AUTS2: variants seen among roughly 807,000 people sequenced by gnomAD.
AUTS2 encodes activator of transcription and developmental regulator AUTS2, also known as autism susceptibility gene 2 protein.
Under a neutral mutation model 112.4 loss-of-function variants are expected in AUTS2, and 17 were observed. That is an observed-to-expected ratio of 0.15 (90% CI 0.10 to 0.23). AUTS2 has a LOEUF of 0.23. Ranked by LOEUF, AUTS2 falls within the 10% of genes least tolerant of loss-of-function variation. The pLI is 1.00. For missense variants in AUTS2, 1,510 were observed against 1,701.6 expected, an observed-to-expected ratio of 0.89 and a Z score of 1.98; for synonymous variants, 751 against 702.7, an observed-to-expected ratio of 1.07 and a Z score of -1.09.
At chr7:70,655,154 G>T (rs1806703962) in intron 5 of AUTS2, among the ~76,000 whole-genome samples, 1 of 152,216 alleles carries the variant, frequency 6.6e-6, no homozygotes, top group Non-Finnish European at 1.5e-5. Context: ...AGTTACTTTG[G>T]CAGTGCCTGG....
At chr7:70,357,939 C>T (rs1465170715) in intron 4 of AUTS2, among the ~76,000 whole-genome samples, 1 of 151,894 alleles carries the variant, frequency 6.6e-6, no homozygotes, top group Non-Finnish European at 1.5e-5. Context: ...CAGAAACTGG[C>T]TTGGGAGGTG....
chr7:70,729,814 A>G (rs1438177635), intron 6 of AUTS2, among the ~76,000 whole-genome samples: 1 of 152,172 alleles, frequency 6.6e-6, no homozygotes, highest in Non-Finnish European at 1.5e-5. Context: ...ATGAACTTCT[A>G]ATTTCCTCTT....
intron 4 of AUTS2, among the ~76,000 whole-genome samples, chr7:70,399,825 A>C (rs1794249694): frequency 6.6e-6 from 1 of 152,240 alleles, no homozygotes; most frequent in African/African-American, 2.4e-5. Context: ...GTTGGTAAGC[A>C]TACAGCCCAG....
intron 1 of AUTS2, among the ~76,000 whole-genome samples, chr7:69,768,370 A>G (rs1788519757): frequency 6.6e-6 from 1 of 152,260 alleles, no homozygotes. Flanking sequence ...ACAATAACCT[A>G]GTGGAGTACA....
chr7:70,645,094 A>G (rs1435094011), intron 5 of AUTS2, among the ~76,000 whole-genome samples: 1 of 152,196 alleles, frequency 6.6e-6, no homozygotes, highest in Non-Finnish European at 1.5e-5. Context: ...AAATACTAGT[A>G]GCATTTCCTT....
At chr7:69,711,850 A>G (rs938559669) in intron 1 of AUTS2, among the ~76,000 whole-genome samples, 1 of 152,210 alleles carries the variant, frequency 6.6e-6, no homozygotes, top group African/African-American at 2.4e-5. Flanking sequence ...GGTATGCATT[A>G]TGTGTGGTAT....
At chr7:70,398,767 T>C (rs925048577) in intron 4 of AUTS2, among the ~76,000 whole-genome samples, 1 of 152,132 alleles carries the variant, frequency 6.6e-6, no homozygotes, top group Non-Finnish European at 1.5e-5. Flanking sequence ...TTAATAGAGG[T>C]GAGAGTGGAT....
chr7:69,743,763 C>T lies in AUTS2; in HGVS notation c.309+143801C>T, dbSNP rs542026551. Among the ~76,000 whole-genome samples, 4 of 152,240 alleles carry T rather than the reference C, an allele frequency of 2.6e-5. No individual in the cohort carries two copies. The South Asian group carries it at 6.2e-4, about 24-fold the overall frequency. Reference sequence around the variant, plus strand: ...CTCTCTTATGTCTGGCCTATTCACTCAGCATAATTATTTTAAATTTTATCT... The same window carrying T: ...CTCTCTTATGTCTGGCCTATTCACTTAGCATAATTATTTTAAATTTTATCT... On this transcript the variant is annotated intron_variant, in intron 1 of 18. Transcript: ENST00000342771.
chr7:70,621,131 T>G (rs1804650731), intron 5 of AUTS2, among the ~76,000 whole-genome samples: 1 of 152,234 alleles, frequency 6.6e-6, no homozygotes, highest in Non-Finnish European at 1.5e-5. Context: ...ACATCTCTTC[T>G]TTCTTCCCCT....
intron 4 of AUTS2, among the ~76,000 whole-genome samples, chr7:70,257,281 C>T (rs551939720): frequency 7.9e-5 from 12 of 152,222 alleles, no homozygotes; most frequent in Non-Finnish European, 1.5e-4. Flanking sequence ...GCTGGGACTA[C>T]AGGCACACGC....
chr7:69,957,719 C>T (rs535044547), intron 2 of AUTS2, among the ~76,000 whole-genome samples: 14 of 152,086 alleles, frequency 9.2e-5, no homozygotes, highest in Non-Finnish European at 2.1e-4. Flanking sequence ...GGTGAGGACA[C>T]AGGAAGGGAG....
At chr7:70,511,915 T>G (rs1421055167) in intron 5 of AUTS2, among the ~76,000 whole-genome samples, 1 of 152,146 alleles carries the variant, frequency 6.6e-6, no homozygotes, top group South Asian at 2.1e-4. Context: ...ACTTTCACTC[T>G]TCAAAGTGTC....
At chr7:70,713,549 A>G (rs989095457) in intron 6 of AUTS2, among the ~76,000 whole-genome samples, 1 of 152,182 alleles carries the variant, frequency 6.6e-6, no homozygotes, top group Non-Finnish European at 1.5e-5. Context: ...GTGTTAAAGT[A>G]GTGGTTCTCA....
chr7:70,698,326 A>G (rs1585528649), intron 5 of AUTS2, among the ~76,000 whole-genome samples: 1 of 152,338 alleles, frequency 6.6e-6, no homozygotes, highest in South Asian at 2.1e-4. Context: ...TTTTGCACAG[A>G]TAATGTGTCT....
chr7:69,876,025 A>C (rs1236022872), intron 1 of AUTS2, among the ~76,000 whole-genome samples: 1 of 151,952 alleles, frequency 6.6e-6, no homozygotes, highest in East Asian at 1.9e-4. Context: ...TGATAGTACA[A>C]ATTAACAAAA....
At chr7:70,263,172 G>A (rs1285802387) in intron 4 of AUTS2, among the ~76,000 whole-genome samples, 1 of 151,724 alleles carries the variant, frequency 6.6e-6, no homozygotes, top group Non-Finnish European at 1.5e-5. Context: ...TAAAACGATT[G>A]TCTATCAGTT....
chr7:69,775,199 A>G (rs1337878305), intron 1 of AUTS2, among the ~76,000 whole-genome samples: 1 of 151,996 alleles, frequency 6.6e-6, no homozygotes, highest in Non-Finnish European at 1.5e-5. Flanking sequence ...CCTTCACTCC[A>G]TTCCTTCTCA....
chr7:69,947,597 TGTTGTTACCCACTAGGCA>T (rs1303956179), intron 2 of AUTS2, among the ~76,000 whole-genome samples: 2 of 152,346 alleles, frequency 1.3e-5, no homozygotes, highest in East Asian at 3.8e-4. Context: ...AAGGCCCAAT[TGTTGTTACCCACTAGGCA>T]GATTTTTTTA....
chr7:70,322,075 G>A (rs1790281953), intron 4 of AUTS2, among the ~76,000 whole-genome samples: 1 of 152,058 alleles, frequency 6.6e-6, no homozygotes, highest in Non-Finnish European at 1.5e-5. Context: ...TAATATGATT[G>A]TCTGGTTTTA....
Sources: allele counts gnomAD v4.1 joint callset (sites outside exome capture counted in the v4.1 genomes callset), GRCh38; gene constraint gnomAD v4.1.1; transcripts MANE v1.5; gene names NCBI Gene and HGNC (gene_info 2026-07-23, HGNC 2026-07-21).